RSPH14: variants seen among roughly 807,000 people sequenced by gnomAD.
RSPH14 encodes the protein radial spoke head 14 homolog.
In RSPH14, 20 loss-of-function variants were observed where a neutral mutation model predicts 26.7. The ratio of observed to expected loss-of-function variants is 0.75; its 90% CI spans 0.53 to 1.09. RSPH14 has a LOEUF of 1.09. Ranked by LOEUF, RSPH14 falls within the 50% of genes least tolerant of loss-of-function variation. The probability of loss-of-function intolerance (pLI) is 0.00; values close to 1 mark genes in which losing one functional copy is unlikely to be tolerated. For synonymous variants in RSPH14, 177 were observed against 189.3 expected, an observed-to-expected ratio of 0.93 and a Z score of 0.53; for missense variants, 449 against 457.2, an observed-to-expected ratio of 0.98 and a Z score of 0.16.
chr22:23,154,180 C>G, the RSPH14 span, among the ~76,000 whole-genome samples: 103 of 152,198 alleles, frequency 6.8e-4, 1 homozygote, highest in Middle Eastern at 6.8e-3. Flanking sequence ...TGCCTGGGCT[C>G]GGGCCCTCAC....
At chr22:23,098,709 A>G (rs1045892589) in intron 4 of RSPH14, among the ~76,000 whole-genome samples, 4 of 152,380 alleles carry the variant, frequency 2.6e-5, no homozygotes, top group African/African-American at 7.2e-5. Context: ...CTGACCTTTC[A>G]TGCTCTACCA....
the RSPH14 span, chr22:23,179,836 A>C: frequency 4.7e-6 from 1 of 212,224 alleles, no homozygotes; most frequent in Admixed American, 5.8e-5. Context: ...CCTCTCTGTG[A>C]GTTGGGCCCT....
intron 4 of RSPH14, among the ~76,000 whole-genome samples, chr22:23,127,746 C>G (rs568566197): frequency 6.6e-6 from 1 of 152,302 alleles, no homozygotes; most frequent in South Asian, 2.1e-4. Flanking sequence ...AGATTTCTCC[C>G]TAGCTTAGAT....
At chr22:23,087,709 T>C (rs1186314477) in intron 4 of RSPH14, among the ~76,000 whole-genome samples, 1 of 152,126 alleles carries the variant, frequency 6.6e-6, no homozygotes, top group Non-Finnish European at 1.5e-5. Context: ...GATGAAATCA[T>C]AGGGAATTGA....
At chr22:23,083,810 C>T (rs990293265) in intron 4 of RSPH14, among the ~76,000 whole-genome samples, 1 of 152,228 alleles carries the variant, frequency 6.6e-6, no homozygotes, top group African/African-American at 2.4e-5. Context: ...GCACACCACA[C>T]CTGTTCAAGG....
the RSPH14 span, chr22:23,156,425 A>AC: frequency 5.9e-6 from 1 of 169,834 alleles, no homozygotes; most frequent in African/African-American, 2.4e-5. Flanking sequence ...TGAAAGGGGG[A>AC]CCACGGGAGG....
rs1033954902 is a variant in RSPH14 at position 23,064,151 on chromosome 22, G to A, written c.422-18C>T. The A allele has an allele frequency of 1.2e-6, 2 of 1,611,730 alleles. No homozygotes were observed. The highest frequency in any genetic ancestry group is 3.3e-5 in the Admixed American group (2 of 59,974). On this transcript the variant is annotated intron_variant, in intron 4 of 6. Coordinates refer to ENST00000216036, the MANE Select transcript of RSPH14 (RefSeq NM_014433.3). Reference sequence around the variant, plus strand: ...TTGGGCCCCTACAAGGCAGGAAAGGGCACTGAGGGCGGGCTGGCCACACAC... The same window carrying A: ...TTGGGCCCCTACAAGGCAGGAAAGGACACTGAGGGCGGGCTGGCCACACAC...
At chr22:23,131,017 G>A (rs1387711718) in intron 4 of RSPH14, among the ~76,000 whole-genome samples, 3 of 152,214 alleles carry the variant, frequency 2.0e-5, no homozygotes, top group African/African-American at 7.2e-5. Context: ...GGAAGCCCTG[G>A]GCAGGAACAG....
chr22:23,118,069 C>G (rs373058776), intron 4 of RSPH14, among the ~76,000 whole-genome samples: 1 of 152,344 alleles, frequency 6.6e-6, no homozygotes, highest in African/African-American at 2.4e-5. Flanking sequence ...TGTCAGCTCC[C>G]CTGCTGTAGT....
intron 4 of RSPH14, among the ~76,000 whole-genome samples, chr22:23,118,837 C>T (rs2069928052): frequency 6.6e-6 from 1 of 152,218 alleles, no homozygotes. Flanking sequence ...TTTAACCCTG[C>T]CAGGCCAGGG....
At chr22:23,160,362 G>A in the RSPH14 span, among the ~76,000 whole-genome samples, 1 of 152,226 alleles carries the variant, frequency 6.6e-6, no homozygotes, top group Non-Finnish European at 1.5e-5. Flanking sequence ...CTGCACAAGG[G>A]CAGTGTGCGT....
At chr22:23,126,603 T>C (rs79854927) in intron 4 of RSPH14, among the ~76,000 whole-genome samples, 2,547 of 152,226 alleles carry the variant, frequency 0.017, 30 homozygotes, top group Non-Finnish European at 0.026. Flanking sequence ...CTCCAAACAA[T>C]GCCCCATGGA....
intron 4 of RSPH14, among the ~76,000 whole-genome samples, chr22:23,085,420 A>G (rs1191743342): frequency 6.6e-6 from 1 of 152,178 alleles, no homozygotes; most frequent in Admixed American, 6.5e-5. Flanking sequence ...AGTATTGATC[A>G]TAGCAGGTTG....
At chr22:23,123,717 A>G (rs2070096376) in intron 4 of RSPH14, 2 of 434,710 alleles carry the variant, frequency 4.6e-6, no homozygotes, top group Non-Finnish European at 8.3e-6. Flanking sequence ...TCACAAGGTC[A>G]CTACAAGCCC....
the RSPH14 span, chr22:23,153,145 G>C: frequency 6.2e-7 from 1 of 1,608,982 alleles, no homozygotes. Flanking sequence ...GTAAGTTGCT[G>C]GTTCCCCCAT....
intron 4 of RSPH14, chr22:23,095,573 C>T: frequency 1.8e-6 from 2 of 1,100,456 alleles, no homozygotes; most frequent in Admixed American, 2.8e-5. Context: ...CCTCACCCCC[C>T]TGCTGGCACT....
the RSPH14 span, chr22:23,158,896 A>G: frequency 1.2e-6 from 2 of 1,613,808 alleles, no homozygotes; most frequent in Non-Finnish European, 1.7e-6. Context: ...CTTACACTCC[A>G]GGCAGTGGTT....
chr22:23,129,293 A>C (rs1208637511), intron 4 of RSPH14, among the ~76,000 whole-genome samples: 3 of 152,158 alleles, frequency 2.0e-5, no homozygotes, highest in Non-Finnish European at 4.4e-5. Flanking sequence ...CCGGTGTCCC[A>C]GGCCTCCCTT....
intron 4 of RSPH14, among the ~76,000 whole-genome samples, chr22:23,128,693 A>G (rs2070240601): frequency 6.6e-6 from 1 of 152,190 alleles, no homozygotes; most frequent in Non-Finnish European, 1.5e-5. Context: ...CCCATGACAC[A>G]GGGGAAGAAA....
Sources: allele counts gnomAD v4.1 joint callset (sites outside exome capture counted in the v4.1 genomes callset), GRCh38; gene constraint gnomAD v4.1.1; transcripts MANE v1.5; gene names NCBI Gene and HGNC (gene_info 2026-07-23, HGNC 2026-07-21).